BRPF3: variants seen among roughly 807,000 people sequenced by gnomAD.
The protein encoded by BRPF3 is bromodomain and PHD finger containing 3.
BRPF3 carries 18 observed loss-of-function variants against 102.0 expected under a neutral mutation model. The ratio of observed to expected loss-of-function variants is 0.18; its 90% CI spans 0.12 to 0.26. The LOEUF is 0.26. Ranked by LOEUF, BRPF3 falls within the 10% of genes least tolerant of loss-of-function variation. BRPF3 has a pLI of 1.00. For missense variants in BRPF3, 1,147 were observed against 1,567.8 expected (o/e 0.73, Z 4.53); for synonymous variants, 570 against 614.2 (o/e 0.93, Z 1.06).
intron 11 of BRPF3, among the ~76,000 whole-genome samples, chr6:36,227,118 C>T (rs1461398596): frequency 6.6e-6 from 1 of 152,192 alleles, no homozygotes; most frequent in East Asian, 1.9e-4. Flanking sequence ...GGTGTATGCT[C>T]TCCTAGTCTT....
At position 36,210,175 on chromosome 6, in the gene BRPF3, A is replaced by G; in HGVS notation, c.1867-41A>G. The G allele has an allele frequency of 6.2e-7, 1 of 1,604,298 alleles. No individual in the cohort carries two copies. The highest frequency in any genetic ancestry group is 8.5e-7 in the Non-Finnish European group (1 of 1,171,182). ...TGGTGAAGGGTGTGTCTGTTTGGCTAGTAAATGGTTGTTGTAATTGTACAG... is the reference window on the plus strand; with the variant it reads ...TGGTGAAGGGTGTGTCTGTTTGGCTGGTAAATGGTTGTTGTAATTGTACAG... On this transcript the variant is annotated intron_variant, in intron 5 of 12. Transcript: ENST00000357641. The surrounding 1 kb of genome is among the most constrained non-coding windows in gnomAD (Gnocchi z 4.7).
chr6:36,225,027 C>A (rs1768683020), intron 10 of BRPF3, among the ~76,000 whole-genome samples: 1 of 152,176 alleles, frequency 6.6e-6, no homozygotes, highest in South Asian at 2.1e-4. Context: ...TGAGTAATTG[C>A]AACAGAGGCC....
In BRPF3 at chr6:36,230,503, G is replaced by T. The variant is rs767029112; in HGVS notation, c.3512G>T (p.Arg1171Leu). The part of the protein sequence containing the change: ...TVDKLKMLEG[R>L]KTSIRKSVQV... ...GACAAGCTCAAGATGCTGGAAGGCCGCAAGACCAGCATCCGCAAGTCAGTG... is the reference window on the plus strand; with the variant it reads ...GACAAGCTCAAGATGCTGGAAGGCCTCAAGACCAGCATCCGCAAGTCAGTG... The change falls in exon 13 of 13, where the codon CGC (arginine) becomes CTC (leucine). Residue 1171 changes from arginine (R) to leucine (L), a missense_variant. Arg to Leu is a moderately radical substitution (Grantham distance 102). Transcript: ENST00000357641. This position sits in a 1 kb window ranked among gnomAD's most constrained non-coding sequence, Gnocchi z 5.4. The T allele has an allele frequency of 6.2e-7, 1 of 1,614,048 alleles. No individual in the cohort carries two copies. The highest frequency in any genetic ancestry group is 8.5e-7 in the Non-Finnish European group (1 of 1,180,022).
chr6:36,200,840 T>C lies in BRPF3; in HGVS notation c.518T>C (p.Val173Ala). The change falls in exon 2 of 13, where the codon GTA (valine) becomes GCA (alanine). Residue 173 changes from valine to alanine, a missense_variant. Transcript: ENST00000357641. The surrounding 1 kb of genome is among the most constrained non-coding windows in gnomAD (Gnocchi z 5.3). ...WLDMVNEKRR[V>A]DGHSLVSADT... Reference sequence around the variant, plus strand: ...GACATGGTGAATGAAAAACGGCGAGTAGATGGGCACAGTTTGGTGTCTGCA... The same window carrying C: ...GACATGGTGAATGAAAAACGGCGAGCAGATGGGCACAGTTTGGTGTCTGCA... 1.2e-6 allele frequency: 2 copies of C among 1,613,784 alleles called. No individual in the cohort carries two copies. Among genetic ancestry groups the C allele is most frequent in the South Asian group, 2.2e-5 (2 of 91,054 alleles).
intron 2 of BRPF3, chr6:36,204,423 A>C: frequency 1.9e-6 from 1 of 539,008 alleles, no homozygotes; most frequent in Non-Finnish European, 3.3e-6. Flanking sequence ...GTTCTTTTGG[A>C]GGATTAGGAC....
rs1449622794 is a variant in BRPF3 at position 36,232,675 on chromosome 6, A to G, written c.*2066A>G. The G allele has an allele frequency of 6.6e-6, 1 of 152,658 alleles. No individual in the cohort carries two copies. Among genetic ancestry groups the G allele is most frequent in the Non-Finnish European group, 1.5e-5 (1 of 68,046 alleles). 9.5% of individuals were successfully genotyped at this position (152,658 alleles called of 1,614,324 possible). ...TTATAACAGATGGTATAAGAGAGGT[A>G]ATAAACAGAGAAAAATCTATGCTTG... On this transcript the variant is annotated 3_prime_UTR_variant, in exon 13 of 13. Coordinates refer to ENST00000357641, the MANE Select transcript of BRPF3 (RefSeq NM_015695.3).
chr6:36,215,402 G>A (rs919965565), intron 8 of BRPF3, among the ~76,000 whole-genome samples: 5 of 152,284 alleles, frequency 3.3e-5, no homozygotes, highest in Non-Finnish European at 2.9e-5. Flanking sequence ...GAGCCACCGC[G>A]CCCCACCTAA....
intron 11 of BRPF3, among the ~76,000 whole-genome samples, chr6:36,226,240 A>T (rs767765433): frequency 2.6e-5 from 4 of 152,234 alleles, no homozygotes; most frequent in Non-Finnish European, 5.9e-5. Flanking sequence ...CAGAATTCTG[A>T]TACAAGTTGC....
rs144827696 is a variant in BRPF3, at chr6:36,206,414, T to A, written c.1606-899T>A. ...TGAGCAATGTCCTGCTCTTCCATTC[T>A]CTTACTTCCTCTTCCAGAATATACT... On this transcript the variant is annotated intron_variant, in intron 3 of 12. Coordinates refer to ENST00000357641, the MANE Select transcript of BRPF3 (RefSeq NM_015695.3). 7.9e-5 allele frequency among the ~76,000 whole-genome samples: 12 copies of A among 152,334 alleles called. No homozygotes were observed. The East Asian group carries it at 2.3e-3, about 29-fold the overall frequency.
intron 7 of BRPF3, 73 bp downstream of exon 7, chr6:36,211,633 TGGG>T: frequency 3.4e-6 from 5 of 1,488,628 alleles, no homozygotes; most frequent in Non-Finnish European, 4.5e-6. Flanking sequence ...AATATCATAA[TGGG>T]GGTATTCTTT....
At chr6:36,229,600 C>G (rs1209561708) in intron 12 of BRPF3, among the ~76,000 whole-genome samples, 1 of 152,202 alleles carries the variant, frequency 6.6e-6, no homozygotes, top group African/African-American at 2.4e-5. Context: ...GAGGGGGGTT[C>G]TGGCCAGTGC....
chr6:36,198,131 A>G (rs1012423780), intron 1 of BRPF3, among the ~76,000 whole-genome samples: 1 of 152,142 alleles, frequency 6.6e-6, no homozygotes, highest in African/African-American at 2.4e-5. Context: ...TGGAACCCGG[A>G]CAGAATTGCT....
Position 36,216,375 on chromosome 6 carries a change from A to G in BRPF3, c.2990-1542A>G, listed in dbSNP as rs552073395. ...TAGCTCTGTACATGAGGCCCATCCA[A>G]CCTGAGGGGGCCTGTTGCTTGGAGA... is the stretch of plus-strand genomic sequence containing the variant. On this transcript the variant is annotated intron_variant, in intron 8 of 12. Transcript: ENST00000357641. Among the ~76,000 whole-genome samples the G allele has an allele frequency of 9.2e-5, 14 of 152,256 alleles. No homozygotes were observed. The South Asian group carries it at 2.9e-3, about 32-fold the overall frequency.
At chr6:36,197,648 C>T (rs1197585178) in intron 1 of BRPF3, 3 of 40,506 alleles carry the variant, frequency 7.4e-5, no homozygotes, top group African/African-American at 2.2e-4. Context: ...CAGGGGGTGC[C>T]GAGGGGAAAT....
rs3748045 is a variant in BRPF3, at chr6:36,230,800, G to C, written c.*191G>C. 433,100 of 690,080 alleles carry C rather than the reference G, an allele frequency of 0.63. 138,329 individuals are homozygous for C. The highest frequency in any genetic ancestry group is 0.75 in the South Asian group (37,607 of 50,352). The allele number at this position is 690,080 out of a possible 1,614,324, so 42.7% of individuals were successfully genotyped here. ...GCATGGTTCTCCTGGCAGGCCTGCT[G>C]TGTGCCAAAAACTCCCACCCAAGGT... On this transcript the variant is annotated 3_prime_UTR_variant, in exon 13 of 13. Transcript: ENST00000357641. The surrounding 1 kb of genome is among the most constrained non-coding windows in gnomAD (Gnocchi z 5.4).
At position 36,230,441 on chromosome 6, in the gene BRPF3, G is replaced by A. The variant is rs1050105043; in HGVS notation, c.3450G>A (p.Arg1150=). The part of the protein sequence containing the change: ...DNKRTWQWLP[R]DKVLPLGVED... Reference sequence around the variant, plus strand: ...TGCATTTCAGGCAGTGGCTTCCAAGGGACAAAGTCCTGCCCTTGGGTGTGG... The same window carrying A: ...TGCATTTCAGGCAGTGGCTTCCAAGAGACAAAGTCCTGCCCTTGGGTGTGG... The change falls in exon 13 of 13, where the codon AGG becomes AGA. Residue 1150 remains arginine, a synonymous_variant. Coordinates refer to ENST00000357641, the MANE Select transcript of BRPF3 (RefSeq NM_015695.3). This position sits in a 1 kb window ranked among gnomAD's most constrained non-coding sequence, Gnocchi z 5.4. 31 of 1,613,942 alleles carry A rather than the reference G, an allele frequency of 1.9e-5. No individual in the cohort carries two copies. Among genetic ancestry groups the A allele is most frequent in the Non-Finnish European group, 2.4e-5 (28 of 1,179,984 alleles).
rs1421286179 is a variant in BRPF3, at chr6:36,230,852, C to A, written c.*243C>A. 3 of 529,158 alleles carry A rather than the reference C, an allele frequency of 5.7e-6. No individual in the cohort carries two copies. Among genetic ancestry groups the A allele is most frequent in the Admixed American group, 3.4e-5 (1 of 29,122 alleles). 32.8% of individuals were successfully genotyped at this position (529,158 alleles called of 1,614,324 possible). A position where few individuals can be genotyped will look rare whatever the true frequency, so the allele number is the denominator to read the frequency against. ...CCTCAGGGGATATTTCACTGAAGAA[C>A]CAGTTAGAAGTAGAAACAGCTGTGG... On this transcript the variant is annotated 3_prime_UTR_variant, in exon 13 of 13. Transcript: ENST00000357641. This position sits in a 1 kb window ranked among gnomAD's most constrained non-coding sequence, Gnocchi z 5.4.
Position 36,200,289 on chromosome 6 carries a change from C to G in BRPF3, c.-26-8C>G. 1.3e-6 allele frequency: 2 copies of G among 1,584,410 alleles called. No homozygotes were observed. Among genetic ancestry groups the G allele is most frequent in the Non-Finnish European group, 1.7e-6 (2 of 1,165,364 alleles). ...CCAACTCATAGTCTCCTGGCCTTCTCTCCTTAGGCCTGTCCCCTCAGTTCC... is the reference window on the plus strand; with the variant it reads ...CCAACTCATAGTCTCCTGGCCTTCTGTCCTTAGGCCTGTCCCCTCAGTTCC... On this transcript the variant is annotated splice_region_variant and splice_polypyrimidine_tract_variant and intron_variant, in intron 1 of 12. Coordinates refer to ENST00000357641, the MANE Select transcript of BRPF3 (RefSeq NM_015695.3). The surrounding 1 kb of genome is among the most constrained non-coding windows in gnomAD (Gnocchi z 5.3).
At chr6:36,228,791 C>A (rs1768831798) in intron 11 of BRPF3, 111 bp from the exon 12 acceptor site, 1 of 1,288,768 alleles carries the variant, frequency 7.8e-7, no homozygotes, top group Non-Finnish European at 1.1e-6. Context: ...AGATATCCCA[C>A]TCAGGCCTGA....
Sources: allele counts gnomAD v4.1 joint callset (sites outside exome capture counted in the v4.1 genomes callset), GRCh38; gene constraint gnomAD v4.1.1; non-coding constraint Gnocchi (gnomAD v3.1); transcripts MANE v1.5; gene names NCBI Gene and HGNC (gene_info 2026-07-23, HGNC 2026-07-21).